Variants in ZNF618 observed in about 807,000 individuals in gnomAD.
The protein encoded by ZNF618 is zinc finger protein 618.
Under a neutral mutation model 103.0 loss-of-function variants are expected in ZNF618, and 34 were observed. The observed-to-expected ratio is 0.33, with a 90% confidence interval of 0.25 to 0.44. The LOEUF (loss-of-function observed/expected upper bound fraction) is 0.44. Among genes scored for constraint, ZNF618 ranks in the 20% least tolerant of loss-of-function variants. The pLI, the probability that ZNF618 is intolerant of heterozygous loss-of-function variation, is 1.00. For synonymous variants in ZNF618, 551 were observed against 542.2 expected (o/e 1.02, Z -0.23); for missense variants, 1,059 against 1,295.4 (o/e 0.82, Z 2.80).
intron 1 of ZNF618, among the ~76,000 whole-genome samples, chr9:113,934,653 A>G (rs1376229589): frequency 1.3e-5 from 2 of 152,184 alleles, no homozygotes; most frequent in Non-Finnish European, 2.9e-5. Context: ...GGGCACTTTG[A>G]GAGAAATGTA....
chr9:114,008,123 C>G (rs567695641), intron 7 of ZNF618, among the ~76,000 whole-genome samples: 2 of 152,232 alleles, frequency 1.3e-5, no homozygotes, highest in Non-Finnish European at 2.9e-5. Flanking sequence ...CTAGTGAGGA[C>G]GAGGGATTGA....
Position 113,885,490 on chromosome 9 carries a change from C to T in ZNF618, c.33+9077C>T, listed in dbSNP as rs117262909. 7.5e-4 allele frequency among the ~76,000 whole-genome samples: 114 copies of T among 152,262 alleles called. No individual in the cohort carries two copies. The East Asian group carries it at 0.017, about 23-fold the overall frequency. On this transcript the variant is annotated intron_variant, in intron 1 of 14. Coordinates refer to ENST00000374126, the MANE Select transcript of ZNF618 (RefSeq NM_001318042.2). Reference sequence around the variant, plus strand: ...TAAGGGCCACAAGATGAGTGGGTCCCTTCTCTTGTATGTTATTTTATCTTT... The same window carrying T: ...TAAGGGCCACAAGATGAGTGGGTCCTTTCTCTTGTATGTTATTTTATCTTT...
chr9:113,940,846 A>G (rs1328771867), intron 1 of ZNF618, among the ~76,000 whole-genome samples: 1 of 152,040 alleles, frequency 6.6e-6, no homozygotes. Context: ...CTCCTGGCCT[A>G]CCTGTGCCCC....
chr9:114,027,097 A>G (rs769356377), intron 10 of ZNF618, among the ~76,000 whole-genome samples: 20 of 152,056 alleles, frequency 1.3e-4, no homozygotes, highest in Non-Finnish European at 2.8e-4. Context: ...GTGTCGGTTC[A>G]TTCTGTGGGT....
At chr9:113,917,555 G>A (rs1037793494) in intron 1 of ZNF618, among the ~76,000 whole-genome samples, 3 of 151,984 alleles carry the variant, frequency 2.0e-5, no homozygotes, top group African/African-American at 7.2e-5. Context: ...TGTCTGGCAA[G>A]CCTTCTCTTA....
intron 1 of ZNF618, among the ~76,000 whole-genome samples, chr9:113,891,956 G>T (rs1057348579): frequency 6.6e-6 from 1 of 152,136 alleles, no homozygotes; most frequent in Non-Finnish European, 1.5e-5. Context: ...CATTCTGCTT[G>T]GTGAAATAAG....
At chr9:113,920,270 A>G (rs1832518097) in intron 1 of ZNF618, among the ~76,000 whole-genome samples, 1 of 152,144 alleles carries the variant, frequency 6.6e-6, no homozygotes, top group East Asian at 1.9e-4. Context: ...TTTAGGGGCT[A>G]GGAGACCCCT....
At chr9:113,993,269 C>T (rs543894542) in intron 3 of ZNF618, among the ~76,000 whole-genome samples, 1 of 152,276 alleles carries the variant, frequency 6.6e-6, no homozygotes, top group East Asian at 1.9e-4. Context: ...AGCCTCGCTC[C>T]GGGTTCATGG....
chr9:113,968,973 C>A, intron 1 of ZNF618, 144 bp from the exon 2 acceptor site: 1 of 909,320 alleles, frequency 1.1e-6, no homozygotes, highest in Non-Finnish European at 1.8e-6. Flanking sequence ...GTTTGTCCAG[C>A]CTGGAGGAGC....
intron 2 of ZNF618, among the ~76,000 whole-genome samples, chr9:113,976,880 C>T (rs1450573850): frequency 1.3e-5 from 2 of 152,196 alleles, no homozygotes; most frequent in East Asian, 1.9e-4. Flanking sequence ...TGGCACTTTA[C>T]ATCCATCCAT....
At chr9:113,944,445 T>A (rs2132124639) in intron 1 of ZNF618, among the ~76,000 whole-genome samples, 1 of 152,208 alleles carries the variant, frequency 6.6e-6, no homozygotes, top group East Asian at 1.9e-4. Flanking sequence ...CCCAGCTAAA[T>A]TTTTTGTATT....
chr9:114,048,532 T>A, intron 14 of ZNF618, 119 bp from the exon 15 acceptor site: 1 of 1,090,564 alleles, frequency 9.2e-7, no homozygotes, highest in Non-Finnish European at 1.3e-6. Context: ...CCCATGTGTG[T>A]GCAAGAGGAA....
chr9:114,023,855 T>C (rs1448052511), intron 10 of ZNF618, among the ~76,000 whole-genome samples: 1 of 152,166 alleles, frequency 6.6e-6, no homozygotes, highest in African/African-American at 2.4e-5. Flanking sequence ...TTAGTGTATA[T>C]TTTTTCTCTG....
At chr9:113,944,082 G>A (rs113090005) in intron 1 of ZNF618, among the ~76,000 whole-genome samples, 10 of 152,086 alleles carry the variant, frequency 6.6e-5, no homozygotes, top group Admixed American at 2.6e-4. Context: ...CTCACACCTC[G>A]CCCTGCACGG....
In ZNF618 at chr9:114,028,746, G is replaced by T. The variant is rs759944903; in HGVS notation, c.858G>T (p.Gly286=). Residue 286 remains glycine (G), a synonymous_variant, in exon 11 of 15, where the codon GGG becomes GGT. Coordinates refer to ENST00000374126, the MANE Select transcript of ZNF618 (RefSeq NM_001318042.2). ...ALHAPISTAP[G]WEPPDDPDTG... ...TGACCCTCTCAGGTACTGCCCCCGG[G>T]TGGGAGCCACCGGATGATCCAGACA... 3.1e-5 allele frequency: 48 copies of T among 1,550,248 alleles called. No individual in the cohort carries two copies. The highest frequency in any genetic ancestry group is 1.7e-4 in the Middle Eastern group (1 of 6,012).
intron 1 of ZNF618, among the ~76,000 whole-genome samples, chr9:113,892,724 G>A (rs190496653): frequency 2.0e-5 from 3 of 152,204 alleles, no homozygotes; most frequent in Admixed American, 1.3e-4. Flanking sequence ...TTTTATATAG[G>A]TTTTGTTGTA....
chr9:113,896,034 A>G, intron 1 of ZNF618, among the ~76,000 whole-genome samples: 1 of 148,184 alleles, frequency 6.7e-6, no homozygotes, highest in East Asian at 2.0e-4. Context: ...TATTTCCTAA[A>G]CTGATTTTTT....
intron 1 of ZNF618, 137 bp from the exon 2 acceptor site, chr9:113,968,980 G>C: frequency 1.1e-6 from 1 of 950,000 alleles, no homozygotes. Flanking sequence ...CAGCCTGGAG[G>C]AGCGGGACAG....
Position 114,008,588 on chromosome 9 carries a change from G to C in ZNF618, c.754+34G>C, listed in dbSNP as rs201230209. ...GATTCCCTCTGGGGCCAAGGGCTGG[G>C]TGGGGGCTGGCCAAGGGAGGCAGGG... On this transcript the variant is annotated intron_variant, in intron 9 of 14. Coordinates refer to ENST00000374126, the MANE Select transcript of ZNF618 (RefSeq NM_001318042.2). 9.3e-6 allele frequency: 15 copies of C among 1,611,148 alleles called. No homozygotes were observed. In the East Asian group the frequency reaches 3.4e-4, roughly 36 times the overall value.
Sources: gnomAD v4.1 joint callset for allele counts (sites outside exome capture counted in the v4.1 genomes callset) on GRCh38, gnomAD v4.1.1 for gene constraint, MANE v1.5 for transcripts, NCBI Gene and HGNC (gene_info 2026-07-23, HGNC 2026-07-21) for gene names.